REDIC1: variants seen among roughly 807,000 people sequenced by gnomAD.
REDIC1 encodes the protein regulator of DNA class I crossover intermediates 1.
the REDIC1 span, among the ~76,000 whole-genome samples, chr12:39,705,174 G>T: frequency 6.6e-6 from 1 of 152,036 alleles, no homozygotes; most frequent in Admixed American, 6.6e-5. Flanking sequence ...ATTCGTGGGT[G>T]CTATGAATGA....
chr12:39,718,678 T>C, the REDIC1 span, among the ~76,000 whole-genome samples: 1 of 152,092 alleles, frequency 6.6e-6, no homozygotes, highest in East Asian at 1.9e-4. Flanking sequence ...ATTTTTTTTT[T>C]CCTGGAATAG....
chr12:39,758,045 T>C, the REDIC1 span: 1 of 151,716 alleles, frequency 6.6e-6, no homozygotes, highest in African/African-American at 2.4e-5. Context: ...TCTTATGAGA[T>C]AAGAAATATC....
At chr12:39,819,550 AT>A in the REDIC1 span, among the ~76,000 whole-genome samples, 1 of 152,110 alleles carries the variant, frequency 6.6e-6, no homozygotes, top group Non-Finnish European at 1.5e-5. Context: ...TCTACAATAA[AT>A]TTTTCATTTA....
At chr12:39,666,463 T>C in the REDIC1 span, among the ~76,000 whole-genome samples, 1 of 152,172 alleles carries the variant, frequency 6.6e-6, no homozygotes, top group Non-Finnish European at 1.5e-5. Flanking sequence ...CTGGATTCAG[T>C]TTGCCAGTAT....
the REDIC1 span, among the ~76,000 whole-genome samples, chr12:39,630,892 C>T: frequency 4.0e-3 from 604 of 152,238 alleles, 4 homozygotes; most frequent in African/African-American, 0.014. Flanking sequence ...CCTAGTTTGC[C>T]TGAAACGGTC....
chr12:39,681,791 C>A, the REDIC1 span, among the ~76,000 whole-genome samples: 1 of 152,100 alleles, frequency 6.6e-6, no homozygotes, highest in Non-Finnish European at 1.5e-5. Context: ...AGTAGGTGAT[C>A]ATCAAATATT....
chr12:39,704,381 C>T, the REDIC1 span, among the ~76,000 whole-genome samples: 1 of 152,126 alleles, frequency 6.6e-6, no homozygotes, highest in East Asian at 1.9e-4. Flanking sequence ...GATACCATCT[C>T]ACGCCAGTTA....
At chr12:39,861,852 A>C in the REDIC1 span, among the ~76,000 whole-genome samples, 3 of 152,112 alleles carry the variant, frequency 2.0e-5, no homozygotes, top group Non-Finnish European at 4.4e-5. Flanking sequence ...TATTAAAAGC[A>C]GATCTAAAAG....
the REDIC1 span, among the ~76,000 whole-genome samples, chr12:39,812,418 C>T: frequency 4.5e-5 from 6 of 132,236 alleles, no homozygotes; most frequent in East Asian, 8.1e-4. Context: ...TCCTTCCTTC[C>T]TTCCTGCCTT....
At chr12:39,901,691 A>G in the REDIC1 span, among the ~76,000 whole-genome samples, 1 of 131,448 alleles carries the variant, frequency 7.6e-6, no homozygotes, top group African/African-American at 2.9e-5. Flanking sequence ...GTCAGGAAAC[A>G]ACAGGTGCTG....
At chr12:39,812,337 T>TTTTTCTTTTCTTTCTTTTCTTTTC in the REDIC1 span, among the ~76,000 whole-genome samples, 1 of 135,188 alleles carries the variant, frequency 7.4e-6, no homozygotes, top group African/African-American at 3.0e-5. Flanking sequence ...ACTAATTTCT[T>TTTTTCTTTTCTTTCTTTTCTTTTC]TTTTCTTTTC....
the REDIC1 span, among the ~76,000 whole-genome samples, chr12:39,791,100 A>G: frequency 2.0e-5 from 3 of 150,180 alleles, no homozygotes; most frequent in African/African-American, 7.4e-5. Flanking sequence ...GTTTGAGTTC[A>G]TTGTAGATTC....
the REDIC1 span, among the ~76,000 whole-genome samples, chr12:39,744,929 TG>T: frequency 6.6e-6 from 1 of 152,156 alleles, no homozygotes; most frequent in South Asian, 2.1e-4. Context: ...CTCCACTATA[TG>T]TTGTTTTCAA....
chr12:39,691,253 G>C, the REDIC1 span, among the ~76,000 whole-genome samples: 1 of 152,136 alleles, frequency 6.6e-6, no homozygotes, highest in African/African-American at 2.4e-5. Flanking sequence ...ATACAGTCTA[G>C]CTGTATGTCC....
chr12:39,708,780 A>G, the REDIC1 span, among the ~76,000 whole-genome samples: 1 of 151,726 alleles, frequency 6.6e-6, no homozygotes, highest in Non-Finnish European at 1.5e-5. Flanking sequence ...ATCTTTTTAT[A>G]AATGTTTAAT....
chr12:39,733,119 G>A, the REDIC1 span, among the ~76,000 whole-genome samples: 1 of 151,324 alleles, frequency 6.6e-6, no homozygotes, highest in Admixed American at 6.6e-5. Flanking sequence ...AAAACAGTTT[G>A]TGATTTCATT....
At chr12:39,692,468 G>A in the REDIC1 span, among the ~76,000 whole-genome samples, 1 of 151,542 alleles carries the variant, frequency 6.6e-6, no homozygotes, top group Non-Finnish European at 1.5e-5. Context: ...TTATAACACA[G>A]ACTTTTTAAC....
chr12:39,898,585 A>G, the REDIC1 span, among the ~76,000 whole-genome samples: 4 of 152,104 alleles, frequency 2.6e-5, no homozygotes, highest in South Asian at 8.3e-4. Context: ...GGACATTTTT[A>G]TTGTAACATC....
At chr12:39,776,767 T>C in the REDIC1 span, among the ~76,000 whole-genome samples, 1 of 152,164 alleles carries the variant, frequency 6.6e-6, no homozygotes, top group Non-Finnish European at 1.5e-5. Context: ...TATGCACCTA[T>C]ATTGTAAAAC....
Sources: gnomAD v4.1 joint callset for allele counts (sites outside exome capture counted in the v4.1 genomes callset) on GRCh38, gnomAD v4.1.1 for gene constraint, MANE v1.5 for transcripts, NCBI Gene and HGNC (gene_info 2026-07-23, HGNC 2026-07-21) for gene names.